Variants in KIAA0319 observed in about 807,000 individuals in gnomAD.
KIAA0319 encodes the protein dyslexia-associated protein KIAA0319.
KIAA0319 carries 83 observed loss-of-function variants against 108.4 expected under a neutral mutation model. The ratio of observed to expected loss-of-function variants is 0.77; its 90% CI spans 0.64 to 0.92. KIAA0319 has a LOEUF of 0.92. KIAA0319 is among the 40% of genes least tolerant of loss of function. The pLI is 0.00. For missense variants in KIAA0319, 1,195 were observed against 1,322.4 expected, an observed-to-expected ratio of 0.90 and a Z score of 1.49; for synonymous variants, 484 against 510.4, an observed-to-expected ratio of 0.95 and a Z score of 0.70.
At position 24,563,492 on chromosome 6, in the gene KIAA0319, G is replaced by C. The variant is rs764277942; in HGVS notation, c.2458C>G (p.Leu820Val). 42 of 1,611,878 alleles carry C rather than the reference G, an allele frequency of 2.6e-5. No individual in the cohort carries two copies. Among genetic ancestry groups the C allele is most frequent in the Non-Finnish European group, 3.5e-5 (41 of 1,179,610 alleles). Residue 820 changes from leucine to valine, a missense_variant, in exon 16 of 21, where the codon CTG (leucine) becomes GTG (valine). By Grantham distance (32) the Leu-to-Val change is conservative. Transcript: ENST00000378214. ...TGCCCAACACCAACCTGCAGGGTCA[G>C]CTCCACCAGGCCACTCTTCCTAGGG... ...PDPRKSGLVE[L>V]TLQVGVGQLT... is the part of the protein sequence containing the mutation.
At chr6:24,616,145 A>C (rs1254304211) in intron 1 of KIAA0319, among the ~76,000 whole-genome samples, 2 of 152,218 alleles carry the variant, frequency 1.3e-5, no homozygotes, top group South Asian at 4.1e-4. Context: ...ACTCCTTGGA[A>C]ATATTGCTTA....
At chr6:24,541,803 T>A (rs1022912017), downstream of KIAA0319, among the ~76,000 whole-genome samples, 16 of 151,846 alleles carry the variant, frequency 1.1e-4, no homozygotes, top group East Asian at 2.7e-3. Flanking sequence ...ATCTCAAAAA[T>A]AATAATTTAG....
At chr6:24,598,604 G>A (rs1364166705) in intron 2 of KIAA0319, 4 of 362,802 alleles carry the variant, frequency 1.1e-5, no homozygotes, top group Admixed American at 1.0e-4. Flanking sequence ...GGGTGGGTGC[G>A]GTGGCTCACA....
chr6:24,566,588 A>T lies in KIAA0319; in HGVS notation c.2292+9T>A. ...AGTGGTCTAGGAGCAATTCTCTCTC[A>T]GTACTCACTCCAGCTGCTGGACTCT... On this transcript the variant is annotated intron_variant, in intron 14 of 20. Coordinates refer to ENST00000378214, the MANE Select transcript of KIAA0319 (RefSeq NM_014809.4). The T allele has an allele frequency of 6.3e-7, 1 of 1,599,374 alleles. No individual in the cohort carries two copies.
intron 1 of KIAA0319, among the ~76,000 whole-genome samples, chr6:24,603,586 A>C (rs1036208297): frequency 6.6e-6 from 1 of 152,162 alleles, no homozygotes; most frequent in African/African-American, 2.4e-5. Flanking sequence ...ATAGGAGGAC[A>C]ACACTCTTCC....
Position 24,576,589 on chromosome 6 carries a change from C to G in KIAA0319, c.1513G>C (p.Val505Leu). 6.2e-7 allele frequency: 1 copy of G among 1,613,482 alleles called. No homozygotes were observed. The highest frequency in any genetic ancestry group is 8.5e-7 in the Non-Finnish European group (1 of 1,179,452). ...TTAGTGGCTCCGTCCGAGTCTGTAA[C>G]AGTCAACCTACAAAAAGGAGAAGAA... ...DPGNYSFRLT[V>L]TDSDGATNST... Residue 505 changes from valine (V) to leucine (L), a missense_variant, in exon 10 of 21, where the codon GTT becomes CTT. By Grantham distance (32) the Val-to-Leu change is conservative. Coordinates refer to ENST00000378214, the MANE Select transcript of KIAA0319 (RefSeq NM_014809.4).
intron 20 of KIAA0319, among the ~76,000 whole-genome samples, chr6:24,548,471 T>A (rs1171786123): frequency 6.6e-6 from 1 of 152,106 alleles, no homozygotes; most frequent in African/African-American, 2.4e-5. Flanking sequence ...CAGGTGGACA[T>A]TACTTAGGGA....
At chr6:24,643,353 A>G (rs1777207765) in intron 1 of KIAA0319, among the ~76,000 whole-genome samples, 2 of 152,244 alleles carry the variant, frequency 1.3e-5, no homozygotes, top group Admixed American at 1.3e-4. Flanking sequence ...TAATGGGTAC[A>G]CTAAAAGCCC....
chr6:24,597,940 A>AAAAAAAAAAAAAAAAAAAAAAAAAAC (rs1562032993), intron 2 of KIAA0319: 1 of 147,080 alleles, frequency 6.8e-6, no homozygotes, highest in African/African-American at 2.6e-5. Flanking sequence ...AAAAAAAAAA[A>AAAAAAAAAAAAAAAAAAAAAAAAAAC]AAAAAAAAAA....
At chr6:24,639,578 G>A (rs773947437) in intron 1 of KIAA0319, among the ~76,000 whole-genome samples, 19 of 152,126 alleles carry the variant, frequency 1.2e-4, no homozygotes, top group Non-Finnish European at 2.1e-4. Flanking sequence ...GGCTGGACGC[G>A]GTGGCTCACG....
At chr6:24,608,536 C>A (rs143846068) in intron 1 of KIAA0319, among the ~76,000 whole-genome samples, 1 of 151,918 alleles carries the variant, frequency 6.6e-6, no homozygotes, top group South Asian at 2.1e-4. Context: ...TTTTAAAAAT[C>A]ATTAAAAGAG....
chr6:24,593,880 C>A (rs913280874), intron 3 of KIAA0319, among the ~76,000 whole-genome samples: 13 of 151,762 alleles, frequency 8.6e-5, no homozygotes, highest in African/African-American at 3.1e-4. Flanking sequence ...TGGTTAATCT[C>A]TAATACTTTC....
intron 13 of KIAA0319, among the ~76,000 whole-genome samples, chr6:24,567,067 T>C (rs566912409): frequency 2.4e-4 from 36 of 152,276 alleles, no homozygotes; most frequent in African/African-American, 8.4e-4. Flanking sequence ...ACATTTAGGG[T>C]ATTGAAAGTG....
chr6:24,609,706 CT>C (rs574258838), intron 1 of KIAA0319, among the ~76,000 whole-genome samples: 172 of 145,896 alleles, frequency 1.2e-3, no homozygotes, highest in African/African-American at 2.1e-3. Context: ...ATAAATTTAT[CT>C]TTTTTTTTTT....
chr6:24,624,017 C>CTTTTCTTTTTTTT (rs1774342718), intron 1 of KIAA0319, among the ~76,000 whole-genome samples: 1 of 50,540 alleles, frequency 2.0e-5, no homozygotes, highest in Non-Finnish European at 3.6e-5. Context: ...TCTTTGTTTT[C>CTTTTCTTTTTTTT]TTTTTTTTTT....
intron 1 of KIAA0319, among the ~76,000 whole-genome samples, chr6:24,642,573 G>A (rs542996720): frequency 6.6e-6 from 1 of 152,280 alleles, no homozygotes; most frequent in South Asian, 2.1e-4. Context: ...TGGCAACGCT[G>A]GAGTTAATTT....
At position 24,568,850 on chromosome 6, in the gene KIAA0319, A is replaced by C; in HGVS notation, c.2071T>G (p.Phe691Val). ...TGCTGGTCTTTCACTGTCAAACGGA[A>C]GTGGTAGGTCCCCACCTGGAGACCA... ...VTGLQVGTYH[F>V]RLTVKDQQGL... Residue 691 changes from phenylalanine to valine, a missense_variant, in exon 13 of 21, where the codon TTC becomes GTC. By Grantham distance (50) the Phe-to-Val change is conservative. Coordinates refer to ENST00000378214, the MANE Select transcript of KIAA0319 (RefSeq NM_014809.4). The C allele has an allele frequency of 6.2e-7, 1 of 1,614,194 alleles. No individual in the cohort carries two copies. The highest frequency in any genetic ancestry group is 1.1e-5 in the South Asian group (1 of 91,080).
At chr6:24,550,300 G>C (rs1220802256) in intron 20 of KIAA0319, among the ~76,000 whole-genome samples, 2 of 152,182 alleles carry the variant, frequency 1.3e-5, no homozygotes, top group Non-Finnish European at 2.9e-5. Context: ...AGTCTCCAGG[G>C]CCTAACCCGG....
chr6:24,620,692 T>G (rs887368348), intron 1 of KIAA0319, among the ~76,000 whole-genome samples: 1 of 152,216 alleles, frequency 6.6e-6, no homozygotes, highest in African/African-American at 2.4e-5. Flanking sequence ...AAGAAAAAAG[T>G]ACTATAGAGT....
Sources: gnomAD v4.1 joint callset for allele counts (sites outside exome capture counted in the v4.1 genomes callset) on GRCh38, gnomAD v4.1.1 for gene constraint, MANE v1.5 for transcripts, NCBI Gene and HGNC (gene_info 2026-07-23, HGNC 2026-07-21) for gene names.